MAP3K4: variants seen among roughly 807,000 people sequenced by gnomAD.
The protein encoded by MAP3K4 is MAP three kinase 1.
In MAP3K4, 67 loss-of-function variants were observed where a neutral mutation model predicts 185.6. The ratio of observed to expected loss-of-function variants is 0.36; its 90% CI spans 0.30 to 0.44. The LOEUF (loss-of-function observed/expected upper bound fraction) is 0.44. Ranked by LOEUF, MAP3K4 falls within the 20% of genes least tolerant of loss-of-function variation. The probability of loss-of-function intolerance (pLI) is 1.00; values close to 1 mark genes in which losing one functional copy is unlikely to be tolerated. For missense variants in MAP3K4, 1,551 were observed against 1,995.1 expected (o/e 0.78, Z 4.24); for synonymous variants, 702 against 710.4 (o/e 0.99, Z 0.19).
chr6:161,038,035 C>T (rs3798907), intron 2 of MAP3K4, among the ~76,000 whole-genome samples: 9,071 of 152,126 alleles, frequency 0.06, 503 homozygotes, highest in East Asian at 0.31. Context: ...TCATCCTCTT[C>T]CTTTCTTTTC....
intron 2 of MAP3K4, among the ~76,000 whole-genome samples, chr6:161,036,071 T>C (rs1199181350): frequency 6.6e-6 from 1 of 152,248 alleles, no homozygotes; most frequent in African/African-American, 2.4e-5. Context: ...TTTATGGTCT[T>C]TCACTAATCA....
chr6:161,112,840 G>C lies in MAP3K4; in HGVS notation c.4626+66G>C. The C allele has an allele frequency of 2.0e-6, 2 of 1,024,330 alleles. No homozygotes were observed. Among genetic ancestry groups the C allele is most frequent in the Admixed American group, 2.8e-5 (1 of 35,724 alleles). 63.5% of individuals were successfully genotyped at this position (1,024,330 alleles called of 1,614,324 possible). ...GGCACTGTGCATTAACAGAACAGTA[G>C]TTATGGATTGATTATTTATTACAAA... On this transcript the variant is annotated intron_variant, in intron 25 of 26. Coordinates refer to ENST00000392142, the MANE Select transcript of MAP3K4 (RefSeq NM_005922.4). This position sits in a 1 kb window ranked among gnomAD's most constrained non-coding sequence, Gnocchi z 5.1.
intron 19 of MAP3K4, among the ~76,000 whole-genome samples, chr6:161,105,846 T>G (rs1259966538): frequency 2.6e-5 from 4 of 151,428 alleles, no homozygotes; most frequent in Non-Finnish European, 5.9e-5. Flanking sequence ...TTGTTTTTTT[T>G]TTTTTTTGAG....
At position 160,992,039 on chromosome 6, in the gene MAP3K4, G is replaced by A; in HGVS notation, c.108G>A (p.Pro36=). 3.8e-6 allele frequency: 6 copies of A among 1,575,378 alleles called. No individual in the cohort carries two copies. Among genetic ancestry groups the A allele is most frequent in the East Asian group, 2.4e-5 (1 of 41,756 alleles). ...CGCCGCCGCCGCCACCACCGCCACC[G>A]GAACCCGAGACCGAGTCAGAACCCG... The part of the protein sequence containing the change: ...PPPPPPPPPP[P]EPETESEPEC... The change falls in exon 1 of 27, where the codon CCG becomes CCA. Residue 36 remains proline (P), a synonymous_variant. Transcript: ENST00000392142.
chr6:161,040,666 G>A (rs1332306683), intron 2 of MAP3K4, among the ~76,000 whole-genome samples: 1 of 152,206 alleles, frequency 6.6e-6, no homozygotes, highest in Non-Finnish European at 1.5e-5. Flanking sequence ...AAAGCCATCA[G>A]ATGCATAGCA....
rs576283028 is a variant in MAP3K4 at position 161,010,755 on chromosome 6, T to C, written c.152+18672T>C. ...AAGAATTTATCCTGCTACATGCAGA[T>C]GTCTGATAGAACCTACTTGTAGGTT... On this transcript the variant is annotated intron_variant, in intron 1 of 26. Coordinates refer to ENST00000392142, the MANE Select transcript of MAP3K4 (RefSeq NM_005922.4). Among the ~76,000 whole-genome samples, 14 of 152,328 alleles carry C rather than the reference T, an allele frequency of 9.2e-5. No homozygotes were observed. The Middle Eastern group carries it at 0.01, about 111-fold the overall frequency.
At chr6:161,102,635 G>C (rs1777885222) in intron 18 of MAP3K4, 64 bp from the exon 19 acceptor site, 2 of 1,114,606 alleles carry the variant, frequency 1.8e-6, no homozygotes, top group Non-Finnish European at 2.5e-6. Context: ...TTTCCTTTCA[G>C]TTGTTCTCAA....
intron 3 of MAP3K4, among the ~76,000 whole-genome samples, chr6:161,055,724 T>C (rs1784203416): frequency 6.6e-6 from 1 of 152,218 alleles, no homozygotes; most frequent in Admixed American, 6.5e-5. Context: ...TGGGAATGGA[T>C]GCCACAGAGT....
In MAP3K4 at chr6:161,093,535, C is replaced by T. The variant is rs899668116; in HGVS notation, c.3349-238C>T. ...ACATGAAAAGTTCTTTGCTTGTACACGTTATTGTGTTATGGGAAATTGACA... is the reference window on the plus strand; with the variant it reads ...ACATGAAAAGTTCTTTGCTTGTACATGTTATTGTGTTATGGGAAATTGACA... On this transcript the variant is annotated intron_variant, in intron 14 of 26. Coordinates refer to ENST00000392142, the MANE Select transcript of MAP3K4 (RefSeq NM_005922.4). The surrounding 1 kb of genome is among the most constrained non-coding windows in gnomAD (Gnocchi z 5.2). Among the ~76,000 whole-genome samples, 2 of 152,070 alleles carry T rather than the reference C, an allele frequency of 1.3e-5. No homozygotes were observed. Among genetic ancestry groups the T allele is most frequent in the Non-Finnish European group, 2.9e-5 (2 of 67,996 alleles).
rs376658956 is a variant in MAP3K4, at chr6:161,070,762, G to A, written c.1862G>A (p.Arg621Gln). The A allele has an allele frequency of 7.4e-6, 12 of 1,613,998 alleles. No individual in the cohort carries two copies. The highest frequency in any genetic ancestry group is 5.3e-5 in the African/African-American group (4 of 74,908). ...GAACCTGCCTTCCTAGTTCTCTGCC[G>A]AGTCCTTCTGAATGTCATACATGAG... ...SFEPAFLVLC[R>Q]VLLNVIHECL... Residue 621 changes from arginine to glutamine, a missense_variant, in exon 4 of 27, where the codon CGA (arginine) becomes CAA (glutamine). Physicochemically the swap from Arg to Gln is conservative, Grantham distance 43 (BLOSUM62 1). This residue lies in a region of MAP3K4 where 27 missense variants were observed against 64.4 expected (regional missense o/e 0.42). Coordinates refer to ENST00000392142, the MANE Select transcript of MAP3K4 (RefSeq NM_005922.4). This position sits in a 1 kb window ranked among gnomAD's most constrained non-coding sequence, Gnocchi z 4.5.
In MAP3K4 at chr6:161,056,083, G is replaced by A. The variant is rs1236782559; in HGVS notation, c.1707+6104G>A. 6.6e-6 allele frequency among the ~76,000 whole-genome samples: 1 copy of A among 152,170 alleles called. No homozygotes were observed. The highest frequency in any genetic ancestry group is 1.5e-5 in the Non-Finnish European group (1 of 68,030). On this transcript the variant is annotated intron_variant, in intron 3 of 26. Transcript: ENST00000392142. This position sits in a 1 kb window ranked among gnomAD's most constrained non-coding sequence, Gnocchi z 5.4. ...TGTTACTGATTTTGTTGCTCAGGCT[G>A]TTCTTGTTTTAGCCCATTGGAGCTC...
At position 161,034,415 on chromosome 6, in the gene MAP3K4, T is replaced by C; in HGVS notation, c.309T>C (p.Asn103=). The change falls in exon 2 of 27, where the codon AAT becomes AAC. Residue 103 remains asparagine, a synonymous_variant. Coordinates refer to ENST00000392142, the MANE Select transcript of MAP3K4 (RefSeq NM_005922.4). The surrounding 1 kb of genome is among the most constrained non-coding windows in gnomAD (Gnocchi z 4.4). ...TGTCAACCAAACATCAGAGGAATAA[T>C]GTGGGGAGGCCAGCCAGTCGGTCTA... ...KRMSTKHQRN[N]VGRPASRSNL... is the part of the protein sequence containing the mutation. 1 of 1,613,880 alleles carries C rather than the reference T, an allele frequency of 6.2e-7. No individual in the cohort carries two copies. The highest frequency in any genetic ancestry group is 8.5e-7 in the Non-Finnish European group (1 of 1,179,868).
intron 17 of MAP3K4, among the ~76,000 whole-genome samples, chr6:161,099,098 A>G (rs534671663): frequency 6.6e-6 from 1 of 152,342 alleles, no homozygotes; most frequent in Non-Finnish European, 1.5e-5. Context: ...GTGGAGGAAG[A>G]GCTGTTGTTC....
rs1162217455 is a variant in MAP3K4 at position 161,108,595 on chromosome 6, C to T, written c.4120-148C>T. 6.4e-6 allele frequency: 4 copies of T among 629,186 alleles called. No homozygotes were observed. Among genetic ancestry groups the T allele is most frequent in the African/African-American group, 3.7e-5 (2 of 54,314 alleles). The allele number at this position is 629,186 out of a possible 1,614,324, so 39.0% of individuals were successfully genotyped here. A position where few individuals can be genotyped will look rare whatever the true frequency, so the allele number is the denominator to read the frequency against. ...GACTTCACTCTAGCTTGGCTAAAAA[C>T]TTCCTTTTTACTTAATTTTTTGTTG... On this transcript the variant is annotated intron_variant, in intron 21 of 26. Transcript: ENST00000392142. This position sits in a 1 kb window ranked among gnomAD's most constrained non-coding sequence, Gnocchi z 5.7.
Position 161,112,494 on chromosome 6 carries a change from C to T in MAP3K4, c.4520-174C>T, listed in dbSNP as rs1386354267. Among the ~76,000 whole-genome samples, 2 of 152,170 alleles carry T rather than the reference C, an allele frequency of 1.3e-5. No homozygotes were observed. Among genetic ancestry groups the T allele is most frequent in the African/African-American group, 2.4e-5 (1 of 41,432 alleles). On this transcript the variant is annotated intron_variant, in intron 24 of 26. Transcript: ENST00000392142. This position sits in a 1 kb window ranked among gnomAD's most constrained non-coding sequence, Gnocchi z 5.1. The stretch of plus-strand genomic sequence containing the variant: ...AATAGTCTTTTAAAAGAGAATTTGT[C>T]ACCTAAAAAGTTTGTTCAACAAGTT...
At chr6:160,992,263 G>A in intron 1 of MAP3K4, 180 bp downstream of exon 1, 1 of 820,894 alleles carries the variant, frequency 1.2e-6, no homozygotes, top group Non-Finnish European at 1.8e-6. Flanking sequence ...GTCTGAGTCT[G>A]TCCGGCGACT....
In MAP3K4 at chr6:161,084,600, T is replaced by C. The variant is rs2114849794; in HGVS notation, c.2355T>C (p.Ser785=). 1.9e-6 allele frequency: 3 copies of C among 1,604,012 alleles called. No individual in the cohort carries two copies. The highest frequency in any genetic ancestry group is 2.6e-6 in the Non-Finnish European group (3 of 1,170,840). The part of the protein sequence containing the change: ...AEFWTSADDS[S]ASDEIRRSVI... ...TTTGGACTAGTGCGGATGACAGCAG[T>C]GCTTCCGACGAAATCAGGTTGGAGT... The change falls in exon 7 of 27, where the codon AGT becomes AGC. Residue 785 remains serine, a synonymous_variant. Coordinates refer to ENST00000392142, the MANE Select transcript of MAP3K4 (RefSeq NM_005922.4). This position sits in a 1 kb window ranked among gnomAD's most constrained non-coding sequence, Gnocchi z 4.6.
chr6:161,002,707 T>C (rs1169005072), intron 1 of MAP3K4, among the ~76,000 whole-genome samples: 3 of 145,596 alleles, frequency 2.1e-5, no homozygotes, highest in Non-Finnish European at 3.0e-5. Context: ...TTCTCCTGCC[T>C]CAGCCTCCTG....
At chr6:161,060,492 A>G (rs1409759955) in intron 3 of MAP3K4, among the ~76,000 whole-genome samples, 2 of 152,140 alleles carry the variant, frequency 1.3e-5, no homozygotes, top group African/African-American at 2.4e-5. Flanking sequence ...AACATATTCA[A>G]TTGGCTTGAC....
Sources: allele counts gnomAD v4.1 joint callset (sites outside exome capture counted in the v4.1 genomes callset), GRCh38; gene constraint gnomAD v4.1.1; regional missense constraint gnomAD v4.1.1; non-coding constraint Gnocchi (gnomAD v3.1); transcripts MANE v1.5; gene names NCBI Gene and HGNC (gene_info 2026-07-23, HGNC 2026-07-21).